Variants in KDM4C observed in about 807,000 individuals in gnomAD.
The protein encoded by KDM4C is lysine demethylase 4C.
KDM4C carries 81 observed loss-of-function variants against 129.3 expected under a neutral mutation model. The ratio of observed to expected loss-of-function variants is 0.63; its 90% CI spans 0.52 to 0.75. The LOEUF is 0.75. KDM4C is among the 30% of genes least tolerant of loss of function. KDM4C has a pLI of 0.00. For missense variants in KDM4C, 1,457 were observed against 1,304.0 expected (o/e 1.12, Z -1.81); for synonymous variants, 573 against 456.1 (o/e 1.26, Z -3.26).
At chr9:7,147,820 T>C (rs1243739274) in intron 19 of KDM4C, among the ~76,000 whole-genome samples, 1 of 152,184 alleles carries the variant, frequency 6.6e-6, no homozygotes, top group East Asian at 1.9e-4. Context: ...AAATTGGAGA[T>C]AGTAATGTCA....
chr9:6,787,480 G>A (rs968942582), intron 1 of KDM4C, among the ~76,000 whole-genome samples: 1 of 152,208 alleles, frequency 6.6e-6, no homozygotes, highest in South Asian at 2.1e-4. Context: ...TCATCTGCCT[G>A]CCTAGGCCTC....
intron 1 of KDM4C, among the ~76,000 whole-genome samples, chr9:6,722,167 G>A (rs115662649): frequency 1.3e-5 from 2 of 152,286 alleles, no homozygotes; most frequent in Admixed American, 6.5e-5. Flanking sequence ...GTAAGGTCAC[G>A]AAGCCTTTTT....
chr9:6,983,847 C>G (rs1219149336), intron 9 of KDM4C, among the ~76,000 whole-genome samples: 1 of 151,862 alleles, frequency 6.6e-6, no homozygotes, highest in Non-Finnish European at 1.5e-5. Context: ...TGTCTCATTT[C>G]AACATTTTTT....
intron 8 of KDM4C, among the ~76,000 whole-genome samples, chr9:6,952,430 T>TATATATATATAA (rs1491195416): frequency 7.2e-6 from 1 of 138,706 alleles, no homozygotes; most frequent in African/African-American, 2.7e-5. Flanking sequence ...TATATATATA[T>TATATATATATAA]AATAATAATT....
At chr9:6,900,424 C>G (rs896046178) in intron 8 of KDM4C, among the ~76,000 whole-genome samples, 1 of 152,234 alleles carries the variant, frequency 6.6e-6, no homozygotes, top group Non-Finnish European at 1.5e-5. Flanking sequence ...GCTGATGTCA[C>G]CACCAAGTGG....
In KDM4C at chr9:6,783,555, A is replaced by G. The variant is rs569328083; in HGVS notation, c.-17-9417A>G. Among the ~76,000 whole-genome samples the G allele has an allele frequency of 2.6e-5, 4 of 152,186 alleles. No homozygotes were observed. The South Asian group carries it at 8.3e-4, about 32-fold the overall frequency. ...CTCCCATAGTGTCTGTGTTTGGTGG[A>G]AAGGGAAGATAACTGCAGAAAGAGA... On this transcript the variant is annotated intron_variant, in intron 1 of 21. Coordinates refer to ENST00000381309, the MANE Select transcript of KDM4C (RefSeq NM_015061.6).
At chr9:6,771,763 A>G (rs1417344865) in intron 1 of KDM4C, among the ~76,000 whole-genome samples, 1 of 152,214 alleles carries the variant, frequency 6.6e-6, no homozygotes, top group Non-Finnish European at 1.5e-5. Flanking sequence ...GGTCCAGGCC[A>G]CAGCTGGGTG....
At chr9:6,925,781 C>T (rs1460503687) in intron 8 of KDM4C, 3 of 353,598 alleles carry the variant, frequency 8.5e-6, no homozygotes, top group Non-Finnish European at 1.2e-5. Context: ...TGTTCAAAAT[C>T]ATGTTTTAAT....
chr9:7,033,896 C>G (rs1160166098), intron 15 of KDM4C, among the ~76,000 whole-genome samples: 1 of 152,116 alleles, frequency 6.6e-6, no homozygotes, highest in African/African-American at 2.4e-5. Flanking sequence ...CAAGGCACAT[C>G]TCTTTTGCAA....
intron 2 of KDM4C, 44 bp from the exon 3 acceptor site, chr9:6,805,555 G>T: frequency 1.4e-6 from 2 of 1,392,210 alleles, no homozygotes; most frequent in Non-Finnish European, 9.8e-7. Flanking sequence ...AAATTACTTG[G>T]AGTATTTTCA....
intron 5 of KDM4C, among the ~76,000 whole-genome samples, chr9:6,879,635 A>G (rs1004858336): frequency 6.6e-6 from 1 of 152,194 alleles, no homozygotes; most frequent in African/African-American, 2.4e-5. Context: ...ACCAACCACA[A>G]AACGAAAAAC....
intron 8 of KDM4C, among the ~76,000 whole-genome samples, chr9:6,921,608 T>C (rs1478278040): frequency 2.0e-5 from 3 of 152,162 alleles, no homozygotes; most frequent in African/African-American, 7.2e-5. Flanking sequence ...GGTTTCACAG[T>C]CTTACTATTT....
At chr9:6,941,329 C>A (rs1825896915) in intron 8 of KDM4C, among the ~76,000 whole-genome samples, 1 of 152,056 alleles carries the variant, frequency 6.6e-6, no homozygotes, top group South Asian at 2.1e-4. Flanking sequence ...GCATGTATGT[C>A]TTTTGGAAAA....
At position 6,979,583 on chromosome 9, in the gene KDM4C, G is replaced by T. The variant is rs190025597; in HGVS notation, c.922-1342G>T. ...CTCATAAATTTAGACCTTATTCTAG[G>T]TCTAAGAAAAGCAGGGTGATTACAC... On this transcript the variant is annotated intron_variant, in intron 8 of 21. Transcript: ENST00000381309. 2.0e-5 allele frequency among the ~76,000 whole-genome samples: 3 copies of T among 152,264 alleles called. No individual in the cohort carries two copies. The East Asian group carries it at 5.8e-4, about 29-fold the overall frequency.
chr9:6,990,556 T>A (rs1468601107), intron 12 of KDM4C, 32 bp downstream of exon 12: 3 of 1,460,476 alleles, frequency 2.1e-6, no homozygotes, highest in Non-Finnish European at 2.8e-6. Flanking sequence ...GGATTTTTTT[T>A]TTTTTTTTTG....
At chr9:6,952,246 CAGCAA>C (rs1424254075) in intron 8 of KDM4C, among the ~76,000 whole-genome samples, 1 of 151,870 alleles carries the variant, frequency 6.6e-6, no homozygotes, top group Non-Finnish European at 1.5e-5. Flanking sequence ...TTATTTAAAA[CAGCAA>C]AGCAAAGCAA....
chr9:7,108,089 G>A (rs759396868), intron 18 of KDM4C, among the ~76,000 whole-genome samples: 3 of 152,164 alleles, frequency 2.0e-5, no homozygotes, highest in Non-Finnish European at 4.4e-5. Context: ...AGCAGGGTGG[G>A]TAGGGTGGCT....
At chr9:6,945,805 T>C (rs745529131) in intron 8 of KDM4C, among the ~76,000 whole-genome samples, 4 of 152,312 alleles carry the variant, frequency 2.6e-5, no homozygotes, top group South Asian at 2.1e-4. Flanking sequence ...TTGAATCTTA[T>C]GCAAAATGTG....
intron 18 of KDM4C, among the ~76,000 whole-genome samples, chr9:7,115,740 A>G (rs1026974699): frequency 6.6e-6 from 1 of 152,242 alleles, no homozygotes; most frequent in Non-Finnish European, 1.5e-5. Context: ...AACAAATATG[A>G]TACACAAAAG....
Sources: allele counts gnomAD v4.1 joint callset (sites outside exome capture counted in the v4.1 genomes callset), GRCh38; gene constraint gnomAD v4.1.1; transcripts MANE v1.5; gene names NCBI Gene and HGNC (gene_info 2026-07-23, HGNC 2026-07-21).